The following MOB3B variants were observed in gnomAD, a reference collection of about 807,000 sequenced individuals.
The protein encoded by MOB3B is MOB kinase activator 3B.
Under a neutral mutation model 18.7 loss-of-function variants are expected in MOB3B, and 7 were observed. That is an observed-to-expected ratio of 0.37 (90% CI 0.21 to 0.70). The LOEUF (loss-of-function observed/expected upper bound fraction) is 0.70. Among genes scored for constraint, MOB3B ranks in the 30% least tolerant of loss-of-function variants. The probability of loss-of-function intolerance (pLI) is 0.52; values close to 1 mark genes in which losing one functional copy is unlikely to be tolerated. For missense variants in MOB3B, 253 were observed against 281.3 expected (o/e 0.90, Z 0.72); for synonymous variants, 111 against 99.9 (o/e 1.11, Z -0.66).
At chr9:27,357,497 A>G (rs1454353624) in intron 3 of MOB3B, among the ~76,000 whole-genome samples, 1 of 152,008 alleles carries the variant, frequency 6.6e-6, no homozygotes, top group African/African-American at 2.4e-5. Context: ...TCAGATAACT[A>G]GGAATAACCC....
intron 3 of MOB3B, among the ~76,000 whole-genome samples, chr9:27,356,928 C>A (rs534860779): frequency 2.6e-5 from 4 of 151,426 alleles, no homozygotes; most frequent in Non-Finnish European, 4.4e-5. Flanking sequence ...TAAAACTCAG[C>A]CATCGATGAA....
At chr9:27,435,367 TTGTG>T (rs547494640) in intron 2 of MOB3B, among the ~76,000 whole-genome samples, 154 of 152,262 alleles carry the variant, frequency 1.0e-3, no homozygotes, top group African/African-American at 3.6e-3. Context: ...TTGTTTTCTT[TTGTG>T]TGTGTATGTG....
At chr9:27,408,816 C>T (rs1247319316) in intron 2 of MOB3B, among the ~76,000 whole-genome samples, 2 of 152,208 alleles carry the variant, frequency 1.3e-5, no homozygotes, top group African/African-American at 4.8e-5. Context: ...CCCCTTCCTT[C>T]CTGCTACAAA....
intron 1 of MOB3B, among the ~76,000 whole-genome samples, chr9:27,477,492 T>C (rs112750789): frequency 2.6e-5 from 4 of 152,358 alleles, no homozygotes; most frequent in South Asian, 2.1e-4. Flanking sequence ...GTCTTTCCCA[T>C]GAGAATGTAA....
At chr9:27,445,364 G>A (rs113827333) in intron 2 of MOB3B, among the ~76,000 whole-genome samples, 46 of 152,246 alleles carry the variant, frequency 3.0e-4, no homozygotes, top group African/African-American at 8.7e-4. Context: ...GAGAGCTTAC[G>A]TAAGGAGAGG....
chr9:27,397,978 C>G (rs1821825972), intron 2 of MOB3B, among the ~76,000 whole-genome samples: 1 of 152,216 alleles, frequency 6.6e-6, no homozygotes. Context: ...AGTTAAGAAC[C>G]TGTGTTAGGC....
intron 2 of MOB3B, among the ~76,000 whole-genome samples, chr9:27,420,498 C>G (rs1181566504): frequency 2.3e-5 from 3 of 129,354 alleles, no homozygotes; most frequent in African/African-American, 8.9e-5. Flanking sequence ...ATATATATTC[C>G]ATCTATATAT....
chr9:27,494,041 C>G (rs1457319332), intron 1 of MOB3B, among the ~76,000 whole-genome samples: 1 of 152,162 alleles, frequency 6.6e-6, no homozygotes, highest in African/African-American at 2.4e-5. Context: ...TAAACAGCCC[C>G]CACCCAGGTG....
intron 2 of MOB3B, among the ~76,000 whole-genome samples, chr9:27,450,638 C>A (rs1013942861): frequency 3.9e-5 from 6 of 152,170 alleles, no homozygotes; most frequent in African/African-American, 1.4e-4. Context: ...AAAGCCTTTA[C>A]CATGTGAAGG....
chr9:27,400,863 T>C (rs964700153), intron 2 of MOB3B, among the ~76,000 whole-genome samples: 3 of 152,248 alleles, frequency 2.0e-5, no homozygotes, highest in African/African-American at 7.2e-5. Flanking sequence ...GGAGAGAATA[T>C]TAAATATCTA....
intron 2 of MOB3B, among the ~76,000 whole-genome samples, chr9:27,381,123 C>T (rs1012036509): frequency 6.6e-6 from 1 of 152,090 alleles, no homozygotes; most frequent in African/African-American, 2.4e-5. Flanking sequence ...CATGGAGGTG[C>T]TGCTGAATGG....
At chr9:27,451,185 A>G (rs1329171014) in intron 2 of MOB3B, among the ~76,000 whole-genome samples, 1 of 152,174 alleles carries the variant, frequency 6.6e-6, no homozygotes, top group Non-Finnish European at 1.5e-5. Flanking sequence ...AAATTACTGT[A>G]ATTAGTCAGG....
chr9:27,400,276 A>C lies in MOB3B; in HGVS notation c.419-41040T>G, dbSNP rs532062728. Among the ~76,000 whole-genome samples, 3 of 152,322 alleles carry C rather than the reference A, an allele frequency of 2.0e-5. No individual in the cohort carries two copies. In the East Asian group the frequency reaches 5.8e-4, roughly 29 times the overall value. On this transcript the variant is annotated intron_variant, in intron 2 of 3. Coordinates refer to ENST00000262244, the MANE Select transcript of MOB3B (RefSeq NM_024761.5). Reference sequence around the variant, plus strand: ...AATTATTGATTGTATTGTTAATTGTAGATACAGCTCTCCAAAACCTGGCCT... The same window carrying C: ...AATTATTGATTGTATTGTTAATTGTCGATACAGCTCTCCAAAACCTGGCCT...
chr9:27,377,493 T>C (rs756003296), intron 2 of MOB3B, among the ~76,000 whole-genome samples: 1 of 152,134 alleles, frequency 6.6e-6, no homozygotes, highest in Non-Finnish European at 1.5e-5. Context: ...ACCACCCTTC[T>C]AACACCTAGA....
At chr9:27,471,395 A>G (rs1026213917) in intron 1 of MOB3B, among the ~76,000 whole-genome samples, 7 of 152,134 alleles carry the variant, frequency 4.6e-5, no homozygotes, top group Non-Finnish European at 1.0e-4. Context: ...CCCTGCCCCT[A>G]CTGGTCTACA....
chr9:27,457,976 A>G (rs1819207003), intron 1 of MOB3B, among the ~76,000 whole-genome samples: 1 of 152,202 alleles, frequency 6.6e-6, no homozygotes, highest in Non-Finnish European at 1.5e-5. Flanking sequence ...GAAATTTCCA[A>G]AATAAAAGAA....
chr9:27,518,636 C>A (rs57971925), intron 1 of MOB3B, among the ~76,000 whole-genome samples: 1 of 151,922 alleles, frequency 6.6e-6, no homozygotes, highest in East Asian at 1.9e-4. Flanking sequence ...GAAGTTACTA[C>A]GTGCATAATC....
chr9:27,456,284 C>T (rs923281159), intron 1 of MOB3B, among the ~76,000 whole-genome samples: 1 of 152,128 alleles, frequency 6.6e-6, no homozygotes, highest in Admixed American at 6.5e-5. Context: ...GTGATGAAAA[C>T]TGGGTCTGGT....
intron 2 of MOB3B, among the ~76,000 whole-genome samples, chr9:27,395,913 C>T (rs1248315083): frequency 6.6e-6 from 1 of 152,176 alleles, no homozygotes; most frequent in Non-Finnish European, 1.5e-5. Context: ...GCTTTTAAAG[C>T]ACTCAGCAAG....
Sources: allele counts gnomAD v4.1 joint callset (sites outside exome capture counted in the v4.1 genomes callset), GRCh38; gene constraint gnomAD v4.1.1; transcripts MANE v1.5; gene names NCBI Gene and HGNC (gene_info 2026-07-23, HGNC 2026-07-21).